Variants in CD163L1 observed in about 807,000 individuals in gnomAD.
CD163L1 encodes scavenger receptor cysteine-rich type 1 protein M160.
A neutral mutation model predicts 165.4 loss-of-function variants in CD163L1; 124 were observed. That is an observed-to-expected ratio of 0.75 (90% confidence interval 0.65 to 0.87). The LOEUF (loss-of-function observed/expected upper bound fraction) is 0.87. CD163L1 is among the 40% of genes least tolerant of loss of function. The pLI is 0.00. For synonymous variants in CD163L1, 585 were observed against 662.2 expected, an observed-to-expected ratio of 0.88 and a Z score of 1.79; for missense variants, 1,525 against 1,799.9, an observed-to-expected ratio of 0.85 and a Z score of 2.76.
intron 4 of CD163L1, among the ~76,000 whole-genome samples, chr12:7,409,888 A>T (rs551707245): frequency 3.2e-3 from 487 of 152,334 alleles, no homozygotes; most frequent in Non-Finnish European, 5.5e-3. Context: ...AAATAAAAAA[A>T]CTATGGAGAA....
rs1948642059 is a variant in CD163L1 at position 7,432,239 on chromosome 12, G to A, written c.766+177C>T. Among the ~76,000 whole-genome samples the A allele has an allele frequency of 6.6e-6, 1 of 152,190 alleles. No individual in the cohort carries two copies. Among genetic ancestry groups the A allele is most frequent in the Admixed American group, 6.5e-5 (1 of 15,282 alleles). On this transcript the variant is annotated intron_variant, in intron 4 of 19. Coordinates refer to ENST00000313599, the MANE Select transcript of CD163L1 (RefSeq NM_174941.6). The surrounding 1 kb of genome is among the most constrained non-coding windows in gnomAD (Gnocchi z 4.2). ...AAATGTGCTTTAGATTTGTTAGGAAGAGCAGTTTTAGGAAGAGTGTTTAGG... is the reference window on the plus strand; with the variant it reads ...AAATGTGCTTTAGATTTGTTAGGAAAAGCAGTTTTAGGAAGAGTGTTTAGG...
In CD163L1 at chr12:7,373,301, T is replaced by TG; in HGVS notation, c.3730+18dup. On this transcript the variant is annotated intron_variant, in intron 14 of 19. Transcript: ENST00000313599. ...TTCACAGGGCTTCAGTGACAGCTGG[T>TG]GTTTAGAAAGATACCCACCTTCACA... 1 of 1,573,546 alleles carries TG rather than the reference T, an allele frequency of 6.4e-7. No homozygotes were observed. The highest frequency in any genetic ancestry group is 8.6e-7 in the Non-Finnish European group (1 of 1,156,580).
chr12:7,355,220 T>C (rs1224435331), intron 19 of CD163L1, 90 bp from the exon 20 acceptor site: 1 of 152,090 alleles, frequency 6.6e-6, no homozygotes, highest in African/African-American at 2.4e-5. Context: ...CACGTGTGTG[T>C]GTGCACACAC....
At chr12:7,328,325 G>T in the CD163L1 span, 1 of 1,595,138 alleles carries the variant, frequency 6.3e-7, no homozygotes, top group Non-Finnish European at 8.5e-7. Context: ...CAATCACTGG[G>T]AAAATCAAAC....
At chr12:7,437,810 C>A (rs1948759694) in intron 2 of CD163L1, among the ~76,000 whole-genome samples, 1 of 151,184 alleles carries the variant, frequency 6.6e-6, no homozygotes, top group Admixed American at 6.6e-5. Context: ...AATTTTGCTT[C>A]CTCAGTCAAC....
intron 19 of CD163L1, among the ~76,000 whole-genome samples, chr12:7,356,360 T>G (rs901675503): frequency 7.9e-5 from 12 of 152,156 alleles, no homozygotes; most frequent in African/African-American, 2.9e-4. Flanking sequence ...ACTTTGCCTC[T>G]GGTTTTTCTA....
chr12:7,431,579 C>A (rs947345491), intron 4 of CD163L1, among the ~76,000 whole-genome samples: 2 of 147,176 alleles, frequency 1.4e-5, no homozygotes, highest in African/African-American at 5.1e-5. Flanking sequence ...AGACACAGGG[C>A]AGGGAACATC....
intron 8 of CD163L1, among the ~76,000 whole-genome samples, chr12:7,390,522 T>C (rs755656790): frequency 1.3e-4 from 20 of 152,076 alleles, no homozygotes; most frequent in Non-Finnish European, 1.8e-4. Context: ...AATAAGAGAA[T>C]AGTGCATTGG....
At chr12:7,353,487 AGACAGG>A (rs1257604277), downstream of CD163L1, among the ~76,000 whole-genome samples, 5 of 152,130 alleles carry the variant, frequency 3.3e-5, no homozygotes, top group Non-Finnish European at 5.9e-5. Flanking sequence ...AGCTGTTGAA[AGACAGG>A]GACAAGGAGA....
chr12:7,421,298 T>C (rs1565809433), intron 4 of CD163L1, among the ~76,000 whole-genome samples: 3 of 121,772 alleles, frequency 2.5e-5, no homozygotes, highest in Admixed American at 1.7e-4. Flanking sequence ...TGTGTGTATA[T>C]ATGTATATAT....
intron 18 of CD163L1, among the ~76,000 whole-genome samples, chr12:7,366,879 T>C (rs929904583): frequency 1.3e-5 from 2 of 152,092 alleles, no homozygotes; most frequent in Non-Finnish European, 2.9e-5. Flanking sequence ...CATATTAAAA[T>C]AGAATGTAAT....
At chr12:7,418,982 T>C (rs1948297892) in intron 4 of CD163L1, among the ~76,000 whole-genome samples, 1 of 152,084 alleles carries the variant, frequency 6.6e-6, no homozygotes, top group Admixed American at 6.6e-5. Context: ...CTATTGACAC[T>C]ATTCCACAAG....
intron 8 of CD163L1, among the ~76,000 whole-genome samples, chr12:7,392,093 C>T (rs1363340382): frequency 1.3e-5 from 2 of 152,188 alleles, no homozygotes; most frequent in East Asian, 3.8e-4. Flanking sequence ...ATCTGCAGAA[C>T]TCTCCACAGC....
At chr12:7,332,519 AG>A in the CD163L1 span, among the ~76,000 whole-genome samples, 5 of 152,248 alleles carry the variant, frequency 3.3e-5, no homozygotes, top group Non-Finnish European at 5.9e-5. Flanking sequence ...AAAAATGTTA[AG>A]GGCAGCCAGG....
rs1237818469 is a variant in CD163L1 at position 7,369,534 on chromosome 12, C to G, written c.3862G>C (p.Gly1288Arg). 6.2e-7 allele frequency: 1 copy of G among 1,614,182 alleles called. No homozygotes were observed. Among genetic ancestry groups the G allele is most frequent in the East Asian group, 2.2e-5 (1 of 44,884 alleles). ...AEAEVVCQQL[G>R]CGSALAALRD... ...AGGGCAGCCAGAGCAGAGCCACAGC[C>G]CAGCTGCTGACACACCACTTCCGCC... is the stretch of plus-strand genomic sequence containing the variant. Residue 1288 changes from glycine (G) to arginine (R), a missense_variant, in exon 15 of 20, where the codon GGC becomes CGC. Physicochemically the swap from Gly to Arg is moderately radical, Grantham distance 125. Coordinates refer to ENST00000313599, the MANE Select transcript of CD163L1 (RefSeq NM_174941.6). This position sits in a 1 kb window ranked among gnomAD's most constrained non-coding sequence, Gnocchi z 4.9.
In CD163L1 at chr12:7,392,998, G is replaced by T. The variant is rs139480184; in HGVS notation, c.2050+3097C>A. On this transcript the variant is annotated intron_variant, in intron 8 of 19. Transcript: ENST00000313599. ...AGCCGAATTCTACCAGAGGTAAAAA[G>T]AGGGGTTGGTACCATTCTTTCCGAA... 5.3e-3 allele frequency among the ~76,000 whole-genome samples: 807 copies of T among 152,276 alleles called. 3 individuals are homozygous for T. Among genetic ancestry groups the T allele is most frequent in the South Asian group, 0.034 (163 of 4,826 alleles).
At chr12:7,345,695 T>G (rs1291164968), downstream of CD163L1, among the ~76,000 whole-genome samples, 1 of 152,240 alleles carries the variant, frequency 6.6e-6, no homozygotes, top group Non-Finnish European at 1.5e-5. Context: ...GTTCTTGTGT[T>G]GCTACAATGA....
chr12:7,421,038 T>TATATATATAC (rs1948346979), intron 4 of CD163L1, among the ~76,000 whole-genome samples: 1 of 96,474 alleles, frequency 1.0e-5, no homozygotes, highest in African/African-American at 6.6e-5. Context: ...TATATATACG[T>TATATATATAC]GTATATATAT....
chr12:7,392,434 G>A (rs1015999817), intron 8 of CD163L1, among the ~76,000 whole-genome samples: 2 of 152,028 alleles, frequency 1.3e-5, no homozygotes, highest in African/African-American at 4.8e-5. Flanking sequence ...AGTGTGTAGA[G>A]GGAAATTTAT....
Sources: gnomAD v4.1 joint callset for allele counts (sites outside exome capture counted in the v4.1 genomes callset) on GRCh38, gnomAD v4.1.1 for gene constraint, Gnocchi (gnomAD v3.1) non-coding constraint, MANE v1.5 for transcripts, NCBI Gene and HGNC (gene_info 2026-07-23, HGNC 2026-07-21) for gene names.